Variants in PACRG observed in about 807,000 individuals in gnomAD.
The protein encoded by PACRG is parkin coregulated gene protein.
PACRG carries 29 observed loss-of-function variants against 29.7 expected under a neutral mutation model. The ratio of observed to expected loss-of-function variants is 0.98; its 90% CI spans 0.73 to 1.33. PACRG has a LOEUF of 1.33. PACRG is among the 40% of genes most tolerant of loss of function. PACRG has a pLI of 0.00. For missense variants in PACRG, 279 were observed against 316.2 expected (o/e 0.88, Z 0.89); for synonymous variants, 116 against 118.7 (o/e 0.98, Z 0.15).
In PACRG at chr6:162,728,322, C is replaced by G. The variant is rs1338627204; in HGVS notation, c.87C>G (p.Leu29=). The G allele has an allele frequency of 6.2e-7, 1 of 1,614,026 alleles. No individual in the cohort carries two copies. Among genetic ancestry groups the G allele is most frequent in the South Asian group, 1.1e-5 (1 of 91,086 alleles). Residue 29 remains leucine (L), a synonymous_variant, in exon 1 of 5, where the codon CTC becomes CTG. Coordinates refer to ENST00000366888, the MANE Select transcript of PACRG (RefSeq NM_001080379.2). Reference sequence around the variant, plus strand: ...CCAAGCTGCTGGCACAACAGCCGCTCCCGGTGCACCAGCCTCACTCTCTGG... The same window carrying G: ...CCAAGCTGCTGGCACAACAGCCGCTGCCGGTGCACCAGCCTCACTCTCTGG... ...KRTKLLAQQP[L]PVHQPHSLVS...
At chr6:162,839,879 G>T (rs1789599130) in intron 2 of PACRG, among the ~76,000 whole-genome samples, 1 of 145,310 alleles carries the variant, frequency 6.9e-6, no homozygotes, top group East Asian at 2.1e-4. Flanking sequence ...GTTTTTCTCA[G>T]GTTTGTCAAA....
chr6:163,141,244 TA>T (rs1456092014), intron 4 of PACRG, among the ~76,000 whole-genome samples: 2 of 151,890 alleles, frequency 1.3e-5, no homozygotes, highest in African/African-American at 4.8e-5. Context: ...GAAGGTAAAA[TA>T]AAGACAATTT....
intron 1 of PACRG, among the ~76,000 whole-genome samples, chr6:162,784,770 G>T (rs1784333843): frequency 6.6e-6 from 1 of 152,186 alleles, no homozygotes; most frequent in Non-Finnish European, 1.5e-5. Context: ...CACTGAGACT[G>T]TGGCTCTAGA....
At chr6:163,054,687 G>A (rs180894292) in intron 2 of PACRG, among the ~76,000 whole-genome samples, 2 of 152,230 alleles carry the variant, frequency 1.3e-5, no homozygotes, top group African/African-American at 2.4e-5. Context: ...AGGGACTCTC[G>A]CTAAGCCAGA....
intron 2 of PACRG, among the ~76,000 whole-genome samples, chr6:162,943,549 C>T (rs746214947): frequency 1.4e-4 from 22 of 152,278 alleles, no homozygotes; most frequent in Non-Finnish European, 2.1e-4. Flanking sequence ...GCTGGTTCCC[C>T]AACCCAGGCA....
intron 2 of PACRG, among the ~76,000 whole-genome samples, chr6:162,847,322 A>G (rs1450980774): frequency 6.6e-6 from 1 of 152,126 alleles, no homozygotes; most frequent in African/African-American, 2.4e-5. Context: ...TTATTCAAGG[A>G]TCCTTCCTTG....
At chr6:162,876,051 C>A (rs1309443278) in intron 2 of PACRG, among the ~76,000 whole-genome samples, 1 of 152,208 alleles carries the variant, frequency 6.6e-6, no homozygotes, top group East Asian at 1.9e-4. Flanking sequence ...TCCTTCACCA[C>A]CCCCTCCTCC....
intron 4 of PACRG, 118 bp from the exon 5 acceptor site, chr6:163,314,709 A>G (rs1785577667): frequency 8.6e-7 from 1 of 1,159,948 alleles, no homozygotes; most frequent in Non-Finnish European, 1.2e-6. Context: ...AGATCGTGTA[A>G]AAATCTTGCA....
intron 4 of PACRG, chr6:163,112,060 A>G (rs1336809283): frequency 2.7e-5 from 26 of 961,340 alleles, no homozygotes; most frequent in Non-Finnish European, 3.2e-5. Context: ...TTCATTGAGG[A>G]ATTTTTAAAA....
At chr6:163,265,468 T>C (rs9346954) in intron 4 of PACRG, among the ~76,000 whole-genome samples, 97,623 of 151,970 alleles carry the variant, frequency 0.64, 31,358 homozygotes, top group Middle Eastern at 0.7. Context: ...AATACAGTCT[T>C]CAAGCACAGA....
chr6:162,888,198 G>A (rs1024434991), intron 2 of PACRG, among the ~76,000 whole-genome samples: 1 of 152,002 alleles, frequency 6.6e-6, no homozygotes, highest in Non-Finnish European at 1.5e-5. Flanking sequence ...AGGGTGGGCT[G>A]CGGGGTGTCA....
intron 4 of PACRG, among the ~76,000 whole-genome samples, chr6:163,119,064 T>C (rs1422923783): frequency 6.6e-6 from 1 of 152,238 alleles, no homozygotes; most frequent in Non-Finnish European, 1.5e-5. Flanking sequence ...AAGGGGCTCT[T>C]TCAGGCATGA....
intron 4 of PACRG, among the ~76,000 whole-genome samples, chr6:163,290,298 A>G (rs1445467914): frequency 0.012 from 1,859 of 151,306 alleles, 45 homozygotes; most frequent in African/African-American, 0.043. Flanking sequence ...ACACACACAC[A>G]CACACACACA....
intron 4 of PACRG, among the ~76,000 whole-genome samples, chr6:163,287,423 G>C (rs62428019): frequency 0.15 from 22,623 of 152,080 alleles, 2,018 homozygotes; most frequent in Non-Finnish European, 0.2. Flanking sequence ...AGCCTTCGCC[G>C]CCACGTTTGT....
chr6:163,224,368 CAAAAAAAAAAA>C (rs531356479), intron 4 of PACRG, among the ~76,000 whole-genome samples: 3 of 47,280 alleles, frequency 6.3e-5, no homozygotes, highest in East Asian at 2.2e-3. Flanking sequence ...GACTCCATCT[CAAAAAAAAAAA>C]AAAAAAAAAA....
intron 4 of PACRG, among the ~76,000 whole-genome samples, chr6:163,184,335 C>A (rs1335016336): frequency 6.6e-6 from 1 of 152,112 alleles, no homozygotes; most frequent in African/African-American, 2.4e-5. Context: ...TAAATTGTTT[C>A]TTTAATGCTA....
intron 1 of PACRG, among the ~76,000 whole-genome samples, chr6:162,773,671 C>T (rs1348364652): frequency 1.3e-5 from 2 of 151,426 alleles, no homozygotes; most frequent in Non-Finnish European, 2.9e-5. Context: ...CCCGCCACCG[C>T]GCCCGGCTAA....
In PACRG at chr6:163,044,504, T is replaced by C. The variant is rs530732946; in HGVS notation, c.292-17646T>C. On this transcript the variant is annotated intron_variant, in intron 2 of 4. Coordinates refer to ENST00000366888, the MANE Select transcript of PACRG (RefSeq NM_001080379.2). Reference sequence around the variant, plus strand: ...AACTACAAAAACCTGATAGAGTATATGCAATCAGGTCCATAAATTATGAAA... The same window carrying C: ...AACTACAAAAACCTGATAGAGTATACGCAATCAGGTCCATAAATTATGAAA... 1.2e-4 allele frequency: 18 copies of C among 152,290 alleles called. No individual in the cohort carries two copies. The East Asian group carries it at 1.9e-3, about 16-fold the overall frequency. 9.4% of individuals were successfully genotyped at this position (152,290 alleles called of 1,614,324 possible). A position where few individuals can be genotyped will look rare whatever the true frequency, so the allele number is the denominator to read the frequency against.
chr6:162,738,176 A>G (rs905741998), intron 1 of PACRG, among the ~76,000 whole-genome samples: 1 of 152,214 alleles, frequency 6.6e-6, no homozygotes, highest in Non-Finnish European at 1.5e-5. Context: ...TTATTCCTAA[A>G]TATGCATAAT....
Sources: allele counts gnomAD v4.1 joint callset (sites outside exome capture counted in the v4.1 genomes callset), GRCh38; gene constraint gnomAD v4.1.1; transcripts MANE v1.5; gene names NCBI Gene and HGNC (gene_info 2026-07-23, HGNC 2026-07-21).